Variants in NPR1 observed in about 807,000 individuals in gnomAD.
The protein encoded by NPR1 is atrial natriuretic peptide receptor 1.
NPR1 carries 57 observed loss-of-function variants against 116.9 expected under a neutral mutation model. The observed-to-expected ratio is 0.49, with a 90% CI of 0.39 to 0.61. The LOEUF (loss-of-function observed/expected upper bound fraction) is 0.61. Among genes scored for constraint, NPR1 ranks in the 20% least tolerant of loss-of-function variants. The pLI, the probability that NPR1 is intolerant of heterozygous loss-of-function variation, is 0.00. For missense variants in NPR1, 1,096 were observed against 1,409.8 expected, an observed-to-expected ratio of 0.78 and a Z score of 3.56; for synonymous variants, 555 against 601.6, an observed-to-expected ratio of 0.92 and a Z score of 1.13.
Position 153,678,770 on chromosome 1 carries a change from C to A in NPR1, c.-339C>A. The A allele has an allele frequency of 3.0e-6, 1 of 337,484 alleles. No individual in the cohort carries two copies. Among genetic ancestry groups the A allele is most frequent in the Non-Finnish European group, 5.3e-6 (1 of 187,960 alleles). 20.9% of individuals were successfully genotyped at this position (337,484 alleles called of 1,614,324 possible). A position where few individuals can be genotyped will look rare whatever the true frequency, so the allele number is the denominator to read the frequency against. On this transcript the variant is annotated 5_prime_UTR_variant, in exon 1 of 22. Coordinates refer to ENST00000368680, the MANE Select transcript of NPR1 (RefSeq NM_000906.4). This position sits in a 1 kb window ranked among gnomAD's most constrained non-coding sequence, Gnocchi z 5.8. ...TCGCGCGCCCTCTCTCATCCTTCTT[C>A]ACGAAGCGCTCACTCGCACCCTTTC...
chr1:153,681,137 A>G, intron 2 of NPR1, 43 bp from the exon 3 acceptor site: 1 of 1,225,582 alleles, frequency 8.2e-7, no homozygotes, highest in Non-Finnish European at 1.2e-6. Flanking sequence ...ACTAGGGAAT[A>G]GTCAGCTCCC....
chr1:153,686,058 G>A (rs1669919079), intron 9 of NPR1, 65 bp from the exon 10 acceptor site: 1 of 1,548,794 alleles, frequency 6.5e-7, no homozygotes, highest in African/African-American at 1.4e-5. Context: ...GCTGTCGGGA[G>A]CAGCTGGAAT....
Position 153,689,559 on chromosome 1 carries a change from C to A in NPR1, c.2757+38C>A. 2 of 1,583,114 alleles carry A rather than the reference C, an allele frequency of 1.3e-6. No individual in the cohort carries two copies. Among genetic ancestry groups the A allele is most frequent in the Non-Finnish European group, 1.7e-6 (2 of 1,152,046 alleles). On this transcript the variant is annotated intron_variant, in intron 18 of 21. Coordinates refer to ENST00000368680, the MANE Select transcript of NPR1 (RefSeq NM_000906.4). This position sits in a 1 kb window ranked among gnomAD's most constrained non-coding sequence, Gnocchi z 5.1. Reference sequence around the variant, plus strand: ...GTGGGGATGGGAAGGGACAGACAGACATGGACAAGGTCAGAAAAAGATGAG... The same window carrying A: ...GTGGGGATGGGAAGGGACAGACAGAAATGGACAAGGTCAGAAAAAGATGAG...
At chr1:153,685,751 A>G in intron 8 of NPR1, 55 bp from the exon 9 acceptor site, 1 of 1,326,416 alleles carries the variant, frequency 7.5e-7, no homozygotes. Flanking sequence ...ACAAGCAATC[A>G]GGATGCAGAC....
chr1:153,684,921 C>G (rs1164515964), intron 7 of NPR1, 43 bp from the exon 8 acceptor site: 3 of 1,610,184 alleles, frequency 1.9e-6, no homozygotes, highest in Non-Finnish European at 2.5e-6. Flanking sequence ...TGCCCTGGGT[C>G]AGCGGCTCAG....
intron 20 of NPR1, among the ~76,000 whole-genome samples, chr1:153,691,582 G>A (rs1489179732): frequency 1.3e-5 from 2 of 152,122 alleles, no homozygotes; most frequent in Non-Finnish European, 2.9e-5. Context: ...TGAGGGTCCA[G>A]TCCTCAAGGA....
chr1:153,686,173 A>C lies in NPR1; in HGVS notation c.1731A>C (p.Thr577=), dbSNP rs1283045712. ...KRVNRKRIEL[T]RKVLFELKHM... ...TGAACCGTAAACGCATTGAGCTGAC[A>C]CGAAAAGTCCTGTTTGAACTGAAGC... Residue 577 remains threonine (T), a synonymous_variant, in exon 10 of 22, where the codon ACA becomes ACC. Transcript: ENST00000368680. 1 of 1,614,028 alleles carries C rather than the reference A, an allele frequency of 6.2e-7. No homozygotes were observed. Among genetic ancestry groups the C allele is most frequent in the Admixed American group, 1.7e-5 (1 of 59,986 alleles).
intron 7 of NPR1, among the ~76,000 whole-genome samples, chr1:153,684,350 G>A (rs1426118415): frequency 6.7e-6 from 1 of 150,078 alleles, no homozygotes; most frequent in Non-Finnish European, 1.5e-5. Context: ...CATATAATGT[G>A]TGCCAGGCAC....
chr1:153,682,732 C>T, intron 5 of NPR1, 143 bp downstream of exon 5: 3 of 674,278 alleles, frequency 4.4e-6, no homozygotes, highest in East Asian at 2.7e-5. Context: ...CTGGATAAAA[C>T]AGACCCAGCT....
At chr1:153,688,758 C>G in intron 15 of NPR1, 195 bp from the exon 16 acceptor site, 1 of 629,058 alleles carries the variant, frequency 1.6e-6, no homozygotes. Flanking sequence ...CATACTTGAC[C>G]TTGGGGTCTC....
chr1:153,687,297 AC>A lies in NPR1; in HGVS notation c.2034del (p.Tyr679MetfsTer56). ...GGGCGCTTTGTGCTCAAGATCACCG[AC>A]TATGGGCTGGAGAGCTTCAGGGACC... ...VDGRFVLKIT[D>X]YGLESFRDLD... On this transcript the variant is annotated frameshift_variant, in exon 13 of 22. Transcript: ENST00000368680. LOFTEE classifies it high-confidence loss of function. 6.2e-7 allele frequency: 1 copy of A among 1,614,110 alleles called. No individual in the cohort carries two copies. The highest frequency in any genetic ancestry group is 8.5e-7 in the Non-Finnish European group (1 of 1,180,000).
chr1:153,693,391 A>AG lies in NPR1; in HGVS notation c.3168dup (p.Ser1057GlufsTer2), dbSNP rs1670157514. On this transcript the variant is annotated frameshift_variant, in exon 22 of 22. Transcript: ENST00000368680. LOFTEE classifies it high-confidence loss of function. ...TCGGACCTACTGGCTCCTTGGGGAG[A>AG]GGGGGAGTAGCACCCGAGGCTGACC... is the stretch of plus-strand genomic sequence containing the variant. The AG allele has an allele frequency of 3.1e-6, 5 of 1,612,068 alleles. No homozygotes were observed. Among genetic ancestry groups the AG allele is most frequent in the Non-Finnish European group, 4.2e-6 (5 of 1,179,136 alleles).
At chr1:153,684,386 C>CTTTTTTTTTT (rs58272090) in intron 7 of NPR1, among the ~76,000 whole-genome samples, 21 of 89,014 alleles carry the variant, frequency 2.4e-4, no homozygotes, top group East Asian at 7.9e-4. Flanking sequence ...TTCTTTCTTT[C>CTTTTTTTTTT]TTTTTTTTTT....
Position 153,680,678 on chromosome 1 carries a change from T to A in NPR1, c.899T>A (p.Val300Asp), listed in dbSNP as rs748018448. The A allele has an allele frequency of 6.2e-7, 1 of 1,613,706 alleles. No homozygotes were observed. The change falls in exon 2 of 22, where the codon GTC becomes GAC. Residue 300 changes from valine to aspartate, a missense_variant. By Grantham distance (152) the Val-to-Asp change is radical. Transcript: ENST00000368680. The part of the protein sequence containing the change: ...RPWERGDGQD[V>D]SARQAFQAAK... ...TGGGAGAGAGGGGATGGGCAGGATG[T>A]CAGTGCCCGCCAGGCCTTTCAGGTG...
rs533395456 is a variant in NPR1 at position 153,685,928 on chromosome 1, T to C, written c.1680+48T>C. ...GGGCCTTGGGACTGGGGCAGGAGTG[T>C]ACTCTGATGGAGGACTGGTGGGGGG... On this transcript the variant is annotated intron_variant, in intron 9 of 21. Coordinates refer to ENST00000368680, the MANE Select transcript of NPR1 (RefSeq NM_000906.4). The C allele has an allele frequency of 1.6e-5, 25 of 1,552,144 alleles. No individual in the cohort carries two copies. In the East Asian group the frequency reaches 5.2e-4, roughly 32 times the overall value.
rs577550168 is a variant in NPR1, at chr1:153,688,286, C to T, written c.2417+65C>T. 2.7e-5 allele frequency: 41 copies of T among 1,542,092 alleles called. No homozygotes were observed. In the South Asian group the frequency reaches 4.3e-4, roughly 16 times the overall value. ...CACAGCCACCATTTACCTAATGCTT[C>T]TGGCTCTGGCTTATCCCAGCAGTGG... On this transcript the variant is annotated intron_variant, in intron 15 of 21. Coordinates refer to ENST00000368680, the MANE Select transcript of NPR1 (RefSeq NM_000906.4).
In NPR1 at chr1:153,687,277, C is replaced by T. The variant is rs759754253; in HGVS notation, c.2013C>T (p.Arg671=). ...LKSSNCVVDG[R]FVLKITDYGL... is the part of the protein sequence containing the mutation. ...CATCCAACTGCGTGGTAGATGGGCGCTTTGTGCTCAAGATCACCGACTATG... is the reference window on the plus strand; with the variant it reads ...CATCCAACTGCGTGGTAGATGGGCGTTTTGTGCTCAAGATCACCGACTATG... Residue 671 remains arginine, a synonymous_variant, in exon 13 of 22, where the codon CGC becomes CGT. Coordinates refer to ENST00000368680, the MANE Select transcript of NPR1 (RefSeq NM_000906.4). 1.2e-6 allele frequency: 2 copies of T among 1,614,122 alleles called. No individual in the cohort carries two copies. The highest frequency in any genetic ancestry group is 2.2e-5 in the East Asian group (1 of 44,882).
At chr1:153,682,210 A>C (rs1337961710) in intron 4 of NPR1, among the ~76,000 whole-genome samples, 1 of 151,826 alleles carries the variant, frequency 6.6e-6, no homozygotes, top group Non-Finnish European at 1.5e-5. Flanking sequence ...GCCCTCCACC[A>C]ACACTTGGCT....
Position 153,693,410 on chromosome 1 carries a change from G to A in NPR1, c.3182G>A (p.Gly1061Asp). Residue 1061 changes from glycine (G) to aspartate (D), a missense_variant, in exon 22 of 22, where the codon GGC (glycine) becomes GAC (aspartate). Transcript: ENST00000368680. ...GGGGAGAGGGGGAGTAGCACCCGAG[G>A]CTGACCTGCCTCCTCTCCTATCCCT... ...LLGERGSSTR[G>D] is the part of the protein sequence containing the mutation. 1 of 1,608,670 alleles carries A rather than the reference G, an allele frequency of 6.2e-7. No individual in the cohort carries two copies. Among genetic ancestry groups the A allele is most frequent in the Non-Finnish European group, 8.5e-7 (1 of 1,177,792 alleles).
Sources: gnomAD v4.1 joint callset for allele counts (sites outside exome capture counted in the v4.1 genomes callset) on GRCh38, gnomAD v4.1.1 for gene constraint, Gnocchi (gnomAD v3.1) non-coding constraint, MANE v1.5 for transcripts, NCBI Gene and HGNC (gene_info 2026-07-23, HGNC 2026-07-21) for gene names.